The following ESR1 variants were observed in gnomAD, a reference collection of about 807,000 sequenced individuals.
ESR1 encodes the protein estrogen receptor.
In ESR1, 12 loss-of-function variants were observed where a neutral mutation model predicts 52.7. The ratio of observed to expected loss-of-function variants is 0.23; its 90% CI spans 0.15 to 0.37. The LOEUF is 0.37. ESR1 is among the 10% of genes least tolerant of loss of function. The probability of loss-of-function intolerance (pLI) is 1.00; values close to 1 mark genes in which losing one functional copy is unlikely to be tolerated. For synonymous variants in ESR1, 305 were observed against 316.8 expected, an observed-to-expected ratio of 0.96 and a Z score of 0.39; for missense variants, 584 against 779.7, an observed-to-expected ratio of 0.75 and a Z score of 2.99.
chr6:151,968,627 G>A (rs2038555030), intron 4 of ESR1, among the ~76,000 whole-genome samples: 1 of 152,014 alleles, frequency 6.6e-6, no homozygotes. Context: ...CGATTTTCCA[G>A]TGGTCCATGG....
chr6:152,126,957 G>A (rs1009998466), exon 7 of ESR1: 2 of 152,224 alleles, frequency 1.3e-5, no homozygotes, highest in African/African-American at 4.8e-5. Context: ...CTGGCAGTAT[G>A]TAACAGATTT....
chr6:152,105,516 C>T (rs2051053893), downstream of ESR1, among the ~76,000 whole-genome samples: 1 of 151,434 alleles, frequency 6.6e-6, no homozygotes, highest in Admixed American at 6.6e-5. Flanking sequence ...ACCTCTGCCT[C>T]CTGGGTTCAA....
At chr6:151,816,851 G>A (rs138077472) in intron 1 of ESR1, among the ~76,000 whole-genome samples, 32 of 152,230 alleles carry the variant, frequency 2.1e-4, no homozygotes, top group African/African-American at 7.7e-4. Flanking sequence ...AGACCAGCCT[G>A]GGCAACACAG....
At chr6:151,690,776 A>G (rs747478894) in intron 1 of ESR1, 41 of 152,132 alleles carry the variant, frequency 2.7e-4, no homozygotes, top group Non-Finnish European at 5.7e-4. Context: ...AAAAATGTTC[A>G]TTTTTTTGTC....
intron 3 of ESR1, among the ~76,000 whole-genome samples, chr6:151,896,905 T>G (rs1795616390): frequency 2.0e-5 from 3 of 152,182 alleles, no homozygotes. Flanking sequence ...ATTCGAAGAA[T>G]TTTAAAATTT....
At chr6:151,936,971 C>T (rs1463166036) in intron 3 of ESR1, among the ~76,000 whole-genome samples, 1 of 152,006 alleles carries the variant, frequency 6.6e-6, no homozygotes, top group Admixed American at 6.6e-5. Flanking sequence ...ATTTGGTTTT[C>T]AAGGCCAATA....
chr6:151,729,194 G>C (rs1017199626), intron 2 of ESR1, among the ~76,000 whole-genome samples: 3 of 152,162 alleles, frequency 2.0e-5, no homozygotes, highest in Non-Finnish European at 4.4e-5. Context: ...AAGAGGCCTA[G>C]GAGAGCTAGC....
intron 5 of ESR1, among the ~76,000 whole-genome samples, chr6:152,052,222 G>A (rs1419164050): frequency 6.6e-6 from 1 of 152,070 alleles, no homozygotes; most frequent in Non-Finnish European, 1.5e-5. Context: ...CACTCATTAC[G>A]GTAGGATGGC....
intron 2 of ESR1, among the ~76,000 whole-genome samples, chr6:151,796,246 T>C (rs887405009): frequency 3.3e-5 from 5 of 151,488 alleles, no homozygotes; most frequent in East Asian, 3.9e-4. Flanking sequence ...ATCCAAGATA[T>C]GTTGCTAATA....
intron 2 of ESR1, among the ~76,000 whole-genome samples, chr6:151,705,591 G>A (rs1780128513): frequency 6.6e-6 from 1 of 152,120 alleles, no homozygotes; most frequent in South Asian, 2.1e-4. Context: ...TAATGAATAA[G>A]CTGCCATTAT....
intron 3 of ESR1, among the ~76,000 whole-genome samples, chr6:151,904,397 G>A (rs370597604): frequency 2.0e-5 from 3 of 152,036 alleles, no homozygotes; most frequent in East Asian, 1.9e-4. Flanking sequence ...TATTTATCTT[G>A]GGAAGTTCTC....
chr6:151,757,818 C>A (rs925553485), intron 2 of ESR1, among the ~76,000 whole-genome samples: 1 of 152,128 alleles, frequency 6.6e-6, no homozygotes, highest in Non-Finnish European at 1.5e-5. Flanking sequence ...ACTGAGAAAG[C>A]AGGTAGTTTT....
chr6:151,757,242 A>G (rs1784360737), intron 2 of ESR1, among the ~76,000 whole-genome samples: 2 of 152,140 alleles, frequency 1.3e-5, no homozygotes, highest in Admixed American at 6.5e-5. Context: ...TCCATTAAAA[A>G]AAAAAAGAAA....
chr6:151,999,245 A>G (rs1436726874), intron 4 of ESR1, among the ~76,000 whole-genome samples: 1 of 152,150 alleles, frequency 6.6e-6, no homozygotes, highest in African/African-American at 2.4e-5. Flanking sequence ...TGATTTCTCA[A>G]AATCATCTTA....
chr6:151,781,501 C>T (rs1583259341), intron 2 of ESR1, among the ~76,000 whole-genome samples: 1 of 152,290 alleles, frequency 6.6e-6, no homozygotes, highest in South Asian at 2.1e-4. Context: ...GACAAAAATT[C>T]AAACCATAGC....
In ESR1 at chr6:151,969,746, A is replaced by G. The variant is rs147596249; in HGVS notation, c.1096+25238A>G. Among the ~76,000 whole-genome samples, 483 of 152,222 alleles carry G rather than the reference A, an allele frequency of 3.2e-3. 4 individuals carry two copies. Among genetic ancestry groups the G allele is most frequent in the African/African-American group, 0.011 (451 of 41,526 alleles). ...TAGCCTGTTTCCATTGTGAGCATAA[A>G]CACCTTAGACGTTTTTTCATTTCAG... On this transcript the variant is annotated intron_variant, in intron 4 of 7. Coordinates refer to ENST00000206249, the MANE Select transcript of ESR1 (RefSeq NM_000125.4).
At chr6:152,122,758 A>G (rs1280559848) in intron 6 of ESR1, 1 of 1,600,022 alleles carries the variant, frequency 6.2e-7, no homozygotes, top group East Asian at 2.2e-5. Context: ...CCTTCCTGGA[A>G]GCTAAAGGGC....
At chr6:151,774,080 A>G (rs1455836309) in intron 2 of ESR1, among the ~76,000 whole-genome samples, 4 of 152,214 alleles carry the variant, frequency 2.6e-5, no homozygotes, top group African/African-American at 9.6e-5. Flanking sequence ...GGGCTATTGT[A>G]TGGCACATTG....
At chr6:151,869,078 G>A (rs918928172) in intron 2 of ESR1, among the ~76,000 whole-genome samples, 8 of 106,720 alleles carry the variant, frequency 7.5e-5, no homozygotes, top group Non-Finnish European at 1.6e-4. Context: ...AGGCAGGGCA[G>A]TAAGCACAGT....
Sources: gnomAD v4.1 joint callset for allele counts (sites outside exome capture counted in the v4.1 genomes callset) on GRCh38, gnomAD v4.1.1 for gene constraint, MANE v1.5 for transcripts, NCBI Gene and HGNC (gene_info 2026-07-23, HGNC 2026-07-21) for gene names.